Variants in CHSY3 observed in about 807,000 individuals in gnomAD.
The protein encoded by CHSY3 is chondroitin sulfate synthase 3.
Under a neutral mutation model 67.2 loss-of-function variants are expected in CHSY3, and 35 were observed. That is an observed-to-expected ratio of 0.52 (90% CI 0.40 to 0.69). The LOEUF is 0.69. Ranked by LOEUF, CHSY3 falls within the 30% of genes least tolerant of loss-of-function variation. The pLI is 0.00. For missense variants in CHSY3, 1,069 were observed against 1,138.5 expected (o/e 0.94, Z 0.88); for synonymous variants, 474 against 434.7 (o/e 1.09, Z -1.12).
chr5:130,185,540 A>G lies in CHSY3; in HGVS notation c.2398A>G (p.Ile800Val). The G allele has an allele frequency of 2.5e-6, 4 of 1,614,196 alleles. No individual in the cohort carries two copies. The highest frequency in any genetic ancestry group is 1.1e-5 in the South Asian group (1 of 91,086). Reference sequence around the variant, plus strand: ...AGGTGCAGGTGGATTTGATACCTCAATACAAGGCTGGGGACTAGAAGATGT... The same window carrying G: ...AGGTGCAGGTGGATTTGATACCTCAGTACAAGGCTGGGGACTAGAAGATGT... ...LLGAGGFDTS[I>V]QGWGLEDVDL... The change falls in exon 3 of 3, where the codon ATA becomes GTA. Residue 800 changes from isoleucine to valine, a missense_variant. Physicochemically the swap from Ile to Val is conservative, Grantham distance 29. Transcript: ENST00000305031.
intron 2 of CHSY3, among the ~76,000 whole-genome samples, chr5:129,972,499 T>C (rs1479421671): frequency 1.3e-5 from 2 of 152,040 alleles, no homozygotes; most frequent in African/African-American, 4.8e-5. Flanking sequence ...AAATTTTTGA[T>C]GTTAATAGCC....
At chr5:129,918,094 A>G (rs931751301) in intron 2 of CHSY3, among the ~76,000 whole-genome samples, 2 of 152,230 alleles carry the variant, frequency 1.3e-5, no homozygotes, top group South Asian at 4.1e-4. Context: ...TTACTCGTCT[A>G]TTCCAAAGAA....
chr5:129,962,992 C>T (rs1337171244), intron 2 of CHSY3, among the ~76,000 whole-genome samples: 1 of 151,868 alleles, frequency 6.6e-6, no homozygotes, highest in Non-Finnish European at 1.5e-5. Flanking sequence ...GTTCTAGTAA[C>T]TTCAGGGTGG....
intron 2 of CHSY3, among the ~76,000 whole-genome samples, chr5:130,164,714 G>A (rs1343076019): frequency 6.6e-6 from 1 of 151,868 alleles, no homozygotes; most frequent in Non-Finnish European, 1.5e-5. Flanking sequence ...ATAGAATGGT[G>A]AAAAAAAGAC....
intron 2 of CHSY3, among the ~76,000 whole-genome samples, chr5:129,941,701 A>G (rs1235279167): frequency 2.0e-5 from 3 of 152,290 alleles, no homozygotes; most frequent in East Asian, 1.9e-4. Flanking sequence ...TACTATGACA[A>G]AAGCAGCAGA....
At position 130,184,294 on chromosome 5, in the gene CHSY3, T is replaced by C. The variant is rs747822104; in HGVS notation, c.1152T>C (p.Asn384=). 4 of 1,613,690 alleles carry C rather than the reference T, an allele frequency of 2.5e-6. No homozygotes were observed. The highest frequency in any genetic ancestry group is 3.4e-6 in the Non-Finnish European group (4 of 1,179,780). ...NRKGYIQDLH[N]SKIHAAITLH... ...AGGGTTACATCCAAGACCTTCACAA[T>C]AGCAAAATCCATGCAGCCATAACAC... Residue 384 remains asparagine (N), a synonymous_variant, in exon 3 of 3, where the codon AAT becomes AAC. Transcript: ENST00000305031.
At chr5:129,936,423 C>T (rs1471152009) in intron 2 of CHSY3, among the ~76,000 whole-genome samples, 5 of 152,030 alleles carry the variant, frequency 3.3e-5, no homozygotes, top group African/African-American at 7.2e-5. Context: ...GGGTCAGCCC[C>T]TATCTAGTGT....
intron 2 of CHSY3, among the ~76,000 whole-genome samples, chr5:130,072,394 C>T (rs1766104134): frequency 6.6e-6 from 1 of 152,022 alleles, no homozygotes; most frequent in African/African-American, 2.4e-5. Context: ...CCAGTTTTCC[C>T]AGCATCATTT....
chr5:130,124,039 C>CAA (rs11297427), intron 2 of CHSY3, among the ~76,000 whole-genome samples: 726 of 58,038 alleles, frequency 0.013, 1 homozygote, highest in African/African-American at 0.018. Context: ...GACTCCATCT[C>CAA]AAAAAAAAAA....
At position 130,075,998 on chromosome 5, in the gene CHSY3, A is replaced by G. The variant is rs149904291; in HGVS notation, c.1087-108231A>G. On this transcript the variant is annotated intron_variant, in intron 2 of 2. Transcript: ENST00000305031. ...ATCTTTGACCCTTCCCTCATTCTGC[A>G]TACTCAAATCCATAGGAATAGGGAT... is the stretch of plus-strand genomic sequence containing the variant. Among the ~76,000 whole-genome samples the G allele has an allele frequency of 1.7e-3, 265 of 152,280 alleles. 1 individual carries two copies. Among genetic ancestry groups the G allele is most frequent in the African/African-American group, 6.0e-3 (251 of 41,566 alleles).
chr5:130,174,302 A>G (rs1769981464), intron 2 of CHSY3, among the ~76,000 whole-genome samples: 1 of 151,974 alleles, frequency 6.6e-6, no homozygotes, highest in African/African-American at 2.4e-5. Context: ...TCTCGTTAAA[A>G]AAAAAAAAGT....
At chr5:130,159,727 C>G (rs1479844868) in intron 2 of CHSY3, among the ~76,000 whole-genome samples, 1 of 152,140 alleles carries the variant, frequency 6.6e-6, no homozygotes, top group East Asian at 1.9e-4. Flanking sequence ...CTTAGATACA[C>G]ATGACTAGAG....
At chr5:130,085,374 AAT>A (rs891365410) in intron 2 of CHSY3, among the ~76,000 whole-genome samples, 2 of 152,126 alleles carry the variant, frequency 1.3e-5, no homozygotes, top group Admixed American at 6.6e-5. Context: ...TGTCAGAAAA[AAT>A]AGTCTATAAT....
intron 2 of CHSY3, among the ~76,000 whole-genome samples, chr5:130,075,562 G>A (rs1242423619): frequency 6.6e-6 from 1 of 152,048 alleles, no homozygotes; most frequent in Non-Finnish European, 1.5e-5. Context: ...CATTATGTAG[G>A]CACTATGAAA....
chr5:129,938,128 G>A (rs951787938), intron 2 of CHSY3, among the ~76,000 whole-genome samples: 2 of 152,174 alleles, frequency 1.3e-5, no homozygotes, highest in East Asian at 1.9e-4. Context: ...GCCACCAAAC[G>A]TGGGGCTTGT....
In CHSY3 at chr5:130,078,441, G is replaced by A. The variant is rs896207521; in HGVS notation, c.1087-105788G>A. 1.9e-4 allele frequency among the ~76,000 whole-genome samples: 29 copies of A among 152,034 alleles called. 1 individual carries two copies. Among genetic ancestry groups the A allele is most frequent in the Admixed American group, 1.9e-3 (29 of 15,254 alleles). On this transcript the variant is annotated intron_variant, in intron 2 of 2. Transcript: ENST00000305031. ...CCCTGCAAAGCAGCTGCCCCATCTT[G>A]CTAATATGATCACTCTAGGATTAAA...
Position 130,040,660 on chromosome 5 carries a change from A to G in CHSY3, c.1086+132300A>G, listed in dbSNP as rs180979185. ...GTCGTGGAAATCAGAAAGGTAAACAATTTGAAACTTCATGGGCACTCAAAA... is the reference window on the plus strand; with the variant it reads ...GTCGTGGAAATCAGAAAGGTAAACAGTTTGAAACTTCATGGGCACTCAAAA... On this transcript the variant is annotated intron_variant, in intron 2 of 2. Transcript: ENST00000305031. 7.2e-5 allele frequency among the ~76,000 whole-genome samples: 11 copies of G among 152,216 alleles called. No individual in the cohort carries two copies. In the East Asian group the frequency reaches 2.1e-3, roughly 29 times the overall value.
In CHSY3 at chr5:130,100,606, A is replaced by G. The variant is rs570896132; in HGVS notation, c.1087-83623A>G. On this transcript the variant is annotated intron_variant, in intron 2 of 2. Transcript: ENST00000305031. ...AAAGTCAAATTTAGGTCCCTTAGTG[A>G]CAAAAGTTAAATAATGTAGCTATCA... Among the ~76,000 whole-genome samples, 11 of 152,304 alleles carry G rather than the reference A, an allele frequency of 7.2e-5. No homozygotes were observed. The East Asian group carries it at 2.1e-3, about 29-fold the overall frequency.
chr5:129,950,924 C>T (rs987084100), intron 2 of CHSY3, among the ~76,000 whole-genome samples: 7 of 152,048 alleles, frequency 4.6e-5, no homozygotes, highest in Admixed American at 4.6e-4. Flanking sequence ...CATGGAAATA[C>T]AAAAAATCCT....
Sources: gnomAD v4.1 joint callset for allele counts (sites outside exome capture counted in the v4.1 genomes callset) on GRCh38, gnomAD v4.1.1 for gene constraint, MANE v1.5 for transcripts, NCBI Gene and HGNC (gene_info 2026-07-23, HGNC 2026-07-21) for gene names.